HP1BP3: variants seen among roughly 807,000 people sequenced by gnomAD.
The protein encoded by HP1BP3 is heterochromatin protein 1-binding protein 3.
HP1BP3 carries 12 observed loss-of-function variants against 62.5 expected under a neutral mutation model. The observed-to-expected ratio is 0.19, with a 90% CI of 0.12 to 0.31. The LOEUF (loss-of-function observed/expected upper bound fraction) is 0.31. Among genes scored for constraint, HP1BP3 ranks in the 10% least tolerant of loss-of-function variants. HP1BP3 has a pLI of 1.00. For missense variants in HP1BP3, 502 were observed against 651.8 expected (o/e 0.77, Z 2.50); for synonymous variants, 260 against 237.8 (o/e 1.09, Z -0.86).
chr1:20,750,405 G>A (rs962283490), intron 9 of HP1BP3, among the ~76,000 whole-genome samples: 2 of 136,728 alleles, frequency 1.5e-5, no homozygotes, highest in East Asian at 2.0e-4. Flanking sequence ...GCAGGTGCCT[G>A]TGGTCTCAGC....
intron 11 of HP1BP3, among the ~76,000 whole-genome samples, chr1:20,746,711 A>G (rs1293530217): frequency 1.3e-5 from 2 of 152,236 alleles, no homozygotes; most frequent in Admixed American, 6.5e-5. Context: ...TCTTGAAAAC[A>G]GTCAATGTTC....
In HP1BP3 at chr1:20,767,681, T is replaced by A; in HGVS notation, c.655-17A>T. On this transcript the variant is annotated splice_polypyrimidine_tract_variant and intron_variant, in intron 6 of 12. Coordinates refer to ENST00000438032, the MANE Select transcript of HP1BP3 (RefSeq NM_001372052.1). ...TCCTTTAACCTAAAGTAAATTAATT[T>A]TTGTTATTCTAGTATTCATAACTTT... 1 of 1,527,240 alleles carries A rather than the reference T, an allele frequency of 6.5e-7. No individual in the cohort carries two copies. 94.6% of individuals were successfully genotyped at this position (1,527,240 alleles called of 1,614,324 possible).
At chr1:20,749,914 A>G in intron 9 of HP1BP3, 32 bp from the exon 10 acceptor site, 1 of 1,600,660 alleles carries the variant, frequency 6.2e-7, no homozygotes, top group African/African-American at 1.3e-5. Flanking sequence ...AAAAGCATCA[A>G]GACAACACTC....
At chr1:20,777,227 T>C (rs888307643) in intron 3 of HP1BP3, among the ~76,000 whole-genome samples, 2 of 150,912 alleles carry the variant, frequency 1.3e-5, no homozygotes, top group African/African-American at 4.9e-5. Context: ...GTAGCTACTA[T>C]AAAACACAGA....
chr1:20,768,567 C>T (rs1217101279), intron 6 of HP1BP3, among the ~76,000 whole-genome samples: 5 of 152,096 alleles, frequency 3.3e-5, no homozygotes, highest in East Asian at 3.9e-4. Context: ...AGGCCAGGCA[C>T]GGTGGTTCAT....
intron 2 of HP1BP3, 41 bp from the exon 3 acceptor site, chr1:20,779,952 A>T: frequency 6.6e-7 from 1 of 1,513,058 alleles, no homozygotes. Context: ...GCATTAAAAA[A>T]TTCTCTTTTC....
intron 11 of HP1BP3, among the ~76,000 whole-genome samples, chr1:20,747,056 T>C (rs1398800117): frequency 1.3e-5 from 2 of 152,152 alleles, no homozygotes; most frequent in Non-Finnish European, 2.9e-5. Flanking sequence ...TCTAAGAATC[T>C]GTCATTATCA....
chr1:20,745,076 G>A lies in HP1BP3; in HGVS notation c.1383C>T (p.Thr461=), dbSNP rs1216268058. The change falls in exon 13 of 13, where the codon ACC becomes ACT. Residue 461 remains threonine (T), a synonymous_variant. Coordinates refer to ENST00000438032, the MANE Select transcript of HP1BP3 (RefSeq NM_001372052.1). Reference sequence around the variant, plus strand: ...CGGCCTTCCCTGGGGACTTGGCTGGGGTTTTCTTCTGCAACCTGTGAGAAC... The same window carrying A: ...CGGCCTTCCCTGGGGACTTGGCTGGAGTTTTCTTCTGCAACCTGTGAGAAC... ...PPPKRRLQKK[T]PAKSPGKAAS... 3.1e-6 allele frequency: 5 copies of A among 1,607,806 alleles called. No individual in the cohort carries two copies.
chr1:20,775,670 TTTATA>T lies in HP1BP3; in HGVS notation c.350+922_350+926del, dbSNP rs545088330. The T allele has an allele frequency of 9.8e-4, 238 of 242,314 alleles. 1 individual carries two copies. Among genetic ancestry groups the T allele is most frequent in the African/African-American group, 5.0e-3 (222 of 44,798 alleles). The allele number at this position is 242,314 out of a possible 1,614,324, so 15.0% of individuals were successfully genotyped here. ...TACACAGGTATACCATTTTTTATCT[TTTATA>T]TTATATTTTTACTGTACCTTTTCTA... On this transcript the variant is annotated intron_variant, in intron 4 of 12. Coordinates refer to ENST00000438032, the MANE Select transcript of HP1BP3 (RefSeq NM_001372052.1).
intron 1 of HP1BP3, 24 bp from the exon 2 acceptor site, chr1:20,780,564 G>A: frequency 1.5e-6 from 1 of 668,910 alleles, no homozygotes. Flanking sequence ...AAGACCTGGT[G>A]TGAAGATTAA....
intron 9 of HP1BP3, among the ~76,000 whole-genome samples, chr1:20,750,762 A>T (rs956547811): frequency 5.3e-5 from 8 of 151,694 alleles, no homozygotes; most frequent in Non-Finnish European, 8.8e-5. Context: ...GACAAGGATA[A>T]AGACATGTAC....
intron 9 of HP1BP3, among the ~76,000 whole-genome samples, chr1:20,752,782 A>G (rs975259157): frequency 2.0e-5 from 3 of 152,244 alleles, no homozygotes; most frequent in African/African-American, 7.2e-5. Flanking sequence ...AAATTATTTT[A>G]TTAAATCTCA....
chr1:20,760,542 G>GA (rs75392767), intron 8 of HP1BP3, among the ~76,000 whole-genome samples: 3,224 of 140,970 alleles, frequency 0.023, 125 homozygotes, highest in African/African-American at 0.076. Context: ...CCCCAGCTTG[G>GA]AAAAAAAAAA....
At position 20,742,425 on chromosome 1, in the gene HP1BP3, G is replaced by A. The variant is rs1298575749; in HGVS notation, c.*2372C>T. Among the ~76,000 whole-genome samples the A allele has an allele frequency of 6.6e-6, 1 of 152,050 alleles. No individual in the cohort carries two copies. The highest frequency in any genetic ancestry group is 6.5e-5 in the Admixed American group (1 of 15,274). ...GAACATGATTGTACTCTATGATCTT[G>A]GAAGCAGTCTTTAATAAAATACAAA... is the stretch of plus-strand genomic sequence containing the variant. On this transcript the variant is annotated 3_prime_UTR_variant, in exon 13 of 13. Transcript: ENST00000438032.
chr1:20,754,007 C>A (rs1226141203), intron 9 of HP1BP3, among the ~76,000 whole-genome samples: 1 of 152,274 alleles, frequency 6.6e-6, no homozygotes, highest in South Asian at 2.1e-4. Context: ...GGAGGTTAAT[C>A]TAGAGCAATC....
At chr1:20,785,376 G>A (rs2057774630) in intron 1 of HP1BP3, among the ~76,000 whole-genome samples, 1 of 152,082 alleles carries the variant, frequency 6.6e-6, no homozygotes, top group African/African-American at 2.4e-5. Context: ...TGCATTTTAG[G>A]GAAAGCACTA....
intron 8 of HP1BP3, among the ~76,000 whole-genome samples, chr1:20,762,905 TCACA>T (rs757404205): frequency 1.3e-5 from 2 of 152,100 alleles, no homozygotes; most frequent in South Asian, 2.1e-4. Flanking sequence ...TATTTTGGGG[TCACA>T]CAAAGGAGAT....
intron 9 of HP1BP3, among the ~76,000 whole-genome samples, chr1:20,753,043 G>A (rs906923327): frequency 6.6e-6 from 1 of 152,104 alleles, no homozygotes; most frequent in African/African-American, 2.4e-5. Context: ...CTGGGTTCAA[G>A]GGATTCTCCT....
chr1:20,765,219 T>C (rs377053342), intron 8 of HP1BP3, among the ~76,000 whole-genome samples, 158 bp downstream of exon 8: 1 of 110,502 alleles, frequency 9.0e-6, no homozygotes, highest in African/African-American at 3.3e-5. Context: ...GATATGAAAA[T>C]AAAAACATAA....
Sources: gnomAD v4.1 joint callset for allele counts (sites outside exome capture counted in the v4.1 genomes callset) on GRCh38, gnomAD v4.1.1 for gene constraint, MANE v1.5 for transcripts, NCBI Gene and HGNC (gene_info 2026-07-23, HGNC 2026-07-21) for gene names.